ZNF362: variants seen among roughly 807,000 people sequenced by gnomAD.
ZNF362 encodes the protein zinc finger protein 362.
In ZNF362, 11 loss-of-function variants were observed where a neutral mutation model predicts 42.9. That is an observed-to-expected ratio of 0.26 (90% confidence interval 0.16 to 0.42). ZNF362 has a LOEUF of 0.42. Among genes scored for constraint, ZNF362 ranks in the 20% least tolerant of loss-of-function variants. The pLI, the probability that ZNF362 is intolerant of heterozygous loss-of-function variation, is 1.00. For missense variants in ZNF362, 362 were observed against 576.2 expected (o/e 0.63, Z 3.81); for synonymous variants, 255 against 257.3 (o/e 0.99, Z 0.09).
the ZNF362 span, among the ~76,000 whole-genome samples, chr1:33,226,412 A>G: frequency 6.6e-6 from 1 of 152,234 alleles, no homozygotes; most frequent in Non-Finnish European, 1.5e-5. Context: ...TCATAGCAGC[A>G]TTATTCATAA....
intron 8 of ZNF362, among the ~76,000 whole-genome samples, chr1:33,296,909 A>G (rs1016268313): frequency 3.5e-5 from 5 of 144,344 alleles, no homozygotes; most frequent in Non-Finnish European, 6.0e-5. Flanking sequence ...GGCTCAAGGG[A>G]TCCTCCTGCT....
the ZNF362 span, among the ~76,000 whole-genome samples, chr1:33,145,192 T>C: frequency 1.3e-5 from 2 of 152,164 alleles, no homozygotes; most frequent in Admixed American, 6.5e-5. Flanking sequence ...TTGGACAGGT[T>C]TGTGGTGTGG....
the ZNF362 span, among the ~76,000 whole-genome samples, chr1:33,247,796 A>T: frequency 1.3e-5 from 2 of 152,202 alleles, no homozygotes. Context: ...AGTTACTGTC[A>T]TCGGCCTCGC....
the ZNF362 span, among the ~76,000 whole-genome samples, chr1:33,233,406 C>CTT: frequency 0.047 from 6,761 of 144,482 alleles, 280 homozygotes; most frequent in African/African-American, 0.11. Context: ...CCTTCTCACA[C>CTT]TTTTTTTTTT....
chr1:33,156,206 A>G, the ZNF362 span, among the ~76,000 whole-genome samples: 223 of 152,300 alleles, frequency 1.5e-3, 1 homozygote, highest in African/African-American at 5.2e-3. Context: ...GATCTTTCCA[A>G]TCATCTCACA....
At chr1:33,242,655 G>A in the ZNF362 span, among the ~76,000 whole-genome samples, 3 of 152,242 alleles carry the variant, frequency 2.0e-5, no homozygotes, top group African/African-American at 7.2e-5. Flanking sequence ...GACTTCCCAC[G>A]GATTAGGAAG....
chr1:33,274,826 C>A, intron 2 of ZNF362: 1 of 538,294 alleles, frequency 1.9e-6, no homozygotes, highest in Non-Finnish European at 2.4e-6. Flanking sequence ...CTTCCCCTCT[C>A]TCTGAGCCTC....
chr1:33,162,254 A>G, the ZNF362 span, among the ~76,000 whole-genome samples: 2 of 152,104 alleles, frequency 1.3e-5, no homozygotes, highest in African/African-American at 4.8e-5. Flanking sequence ...ATTTAACCCT[A>G]GCTTACCTCC....
chr1:33,209,118 T>G, the ZNF362 span, among the ~76,000 whole-genome samples: 1 of 152,212 alleles, frequency 6.6e-6, no homozygotes, highest in East Asian at 1.9e-4. Flanking sequence ...TATTGAGAAT[T>G]TTTAGCATGA....
chr1:33,238,575 G>A, the ZNF362 span, among the ~76,000 whole-genome samples: 2 of 152,032 alleles, frequency 1.3e-5, no homozygotes, highest in African/African-American at 4.8e-5. Context: ...AGCTAGAAAG[G>A]AAGGGTCATG....
At chr1:33,243,608 T>G in the ZNF362 span, among the ~76,000 whole-genome samples, 1 of 151,836 alleles carries the variant, frequency 6.6e-6, no homozygotes, top group Non-Finnish European at 1.5e-5. Context: ...CTTTTCTTTT[T>G]TTTTTTTAGA....
the ZNF362 span, among the ~76,000 whole-genome samples, chr1:33,180,452 C>T: frequency 6.6e-6 from 1 of 152,064 alleles, no homozygotes; most frequent in Non-Finnish European, 1.5e-5. Flanking sequence ...ACTTTGGCAC[C>T]CTAACTTATA....
At chr1:33,150,262 T>G in the ZNF362 span, among the ~76,000 whole-genome samples, 1 of 152,184 alleles carries the variant, frequency 6.6e-6, no homozygotes, top group Non-Finnish European at 1.5e-5. Flanking sequence ...ACTGGCGAAG[T>G]GGGGACATGG....
the ZNF362 span, among the ~76,000 whole-genome samples, chr1:33,200,853 A>G: frequency 2.0e-5 from 3 of 152,216 alleles, no homozygotes; most frequent in Admixed American, 1.3e-4. Flanking sequence ...TTAAAGAGAT[A>G]ATCAGGTTAA....
At chr1:33,142,027 A>C in the ZNF362 span, 2 of 152,556 alleles carry the variant, frequency 1.3e-5, no homozygotes, top group South Asian at 2.1e-4. Flanking sequence ...GATTGTGTAG[A>C]ATCTTTGGTG....
the ZNF362 span, among the ~76,000 whole-genome samples, chr1:33,243,314 A>G: frequency 6.6e-6 from 1 of 150,878 alleles, no homozygotes; most frequent in Non-Finnish European, 1.5e-5. Context: ...GCCTGGGACC[A>G]CAGGTGCACC....
chr1:33,241,928 A>T, the ZNF362 span, among the ~76,000 whole-genome samples: 54 of 152,200 alleles, frequency 3.5e-4, no homozygotes, highest in African/African-American at 1.2e-3. Context: ...CAACCCCAAA[A>T]CCAAGCAAGT....
the ZNF362 span, among the ~76,000 whole-genome samples, chr1:33,242,381 G>C: frequency 6.6e-6 from 1 of 152,120 alleles, no homozygotes; most frequent in Non-Finnish European, 1.5e-5. Flanking sequence ...AGTGGTTGCT[G>C]GGGAGAAATG....
intron 6 of ZNF362, among the ~76,000 whole-genome samples, chr1:33,287,642 T>C (rs563838663): frequency 6.6e-6 from 1 of 152,348 alleles, no homozygotes; most frequent in East Asian, 1.9e-4. Flanking sequence ...TTGTTTTTCT[T>C]TTCCTGACAG....
Sources: gnomAD v4.1 joint callset for allele counts (sites outside exome capture counted in the v4.1 genomes callset) on GRCh38, gnomAD v4.1.1 for gene constraint, MANE v1.5 for transcripts, NCBI Gene and HGNC (gene_info 2026-07-23, HGNC 2026-07-21) for gene names.